Variants in SPAG17 observed in about 807,000 individuals in gnomAD.
SPAG17 encodes the protein sperm-associated antigen 17.
Under a neutral mutation model 273.6 loss-of-function variants are expected in SPAG17, and 169 were observed. The ratio of observed to expected loss-of-function variants is 0.62; its 90% CI spans 0.55 to 0.70. The LOEUF (loss-of-function observed/expected upper bound fraction) is 0.70. Among genes scored for constraint, SPAG17 ranks in the 30% least tolerant of loss-of-function variants. The pLI, the probability that SPAG17 is intolerant of heterozygous loss-of-function variation, is 0.00. For synonymous variants in SPAG17, 825 were observed against 873.2 expected (o/e 0.94, Z 0.97); for missense variants, 2,557 against 2,627.8 (o/e 0.97, Z 0.59).
chr1:117,963,715 A>C, intron 48 of SPAG17, 84 bp downstream of exon 48: 15 of 1,314,276 alleles, frequency 1.1e-5, no homozygotes, highest in Non-Finnish European at 1.5e-5. Flanking sequence ...GTTTCTGACT[A>C]TAAGAAGAGG....
chr1:118,042,103 C>G, intron 20 of SPAG17, 61 bp from the exon 21 acceptor site: 12 of 1,555,548 alleles, frequency 7.7e-6, no homozygotes, highest in African/African-American at 1.4e-5. Flanking sequence ...AGGTTCCATT[C>G]AGGTTCATTT....
Position 117,960,169 on chromosome 1 carries a change from T to C in SPAG17, c.*3630A>G, listed in dbSNP as rs546322237. The C allele has an allele frequency of 2.6e-5, 4 of 150,998 alleles. No individual in the cohort carries two copies. The East Asian group carries it at 8.0e-4, about 30-fold the overall frequency. The allele number at this position is 150,998 out of a possible 1,614,324, so 9.4% of individuals were successfully genotyped here. On this transcript the variant is annotated intron_variant, in intron 48 of 48. Coordinates refer to ENST00000336338, the MANE Select transcript of SPAG17 (RefSeq NM_206996.4). ...GTGTATGTGTATGTGTATGTACACA[T>C]ACATATATATAGTTGACACTTGAAA... is the stretch of plus-strand genomic sequence containing the variant.
intron 48 of SPAG17, chr1:117,959,003 G>T: frequency 1.2e-6 from 2 of 1,613,436 alleles, no homozygotes; most frequent in Non-Finnish European, 1.7e-6. Context: ...GCCAAGTCCG[G>T]GTAAGTGTCT....
chr1:118,122,322 A>G (rs1160352043), intron 3 of SPAG17, among the ~76,000 whole-genome samples: 1 of 152,224 alleles, frequency 6.6e-6, no homozygotes, highest in African/African-American at 2.4e-5. Flanking sequence ...TAAGATTCCA[A>G]TGGGGAACTT....
At chr1:117,994,255 A>G (rs1343052288) in intron 35 of SPAG17, 151 bp downstream of exon 35, 1 of 738,230 alleles carries the variant, frequency 1.4e-6, no homozygotes, top group Non-Finnish European at 2.0e-6. Flanking sequence ...CAAATGTTAG[A>G]ATCTTCAAAT....
At chr1:118,054,144 T>G in intron 19 of SPAG17, 51 bp from the exon 20 acceptor site, 2 of 1,213,868 alleles carry the variant, frequency 1.6e-6, no homozygotes, top group Non-Finnish European at 2.4e-6. Context: ...TAAGATATCA[T>G]AGAAGGCCCA....
chr1:118,110,043 C>A (rs1198610790), intron 4 of SPAG17, among the ~76,000 whole-genome samples: 4 of 152,106 alleles, frequency 2.6e-5, no homozygotes, highest in Admixed American at 2.6e-4. Context: ...TCACTTTGAA[C>A]ATACAAGGTT....
chr1:118,137,136 C>A (rs1342097215), intron 3 of SPAG17, among the ~76,000 whole-genome samples: 1 of 152,124 alleles, frequency 6.6e-6, no homozygotes, highest in Non-Finnish European at 1.5e-5. Flanking sequence ...AAGAGTAGCT[C>A]TTCACAAAAG....
chr1:118,068,527 C>T (rs1653217963), intron 17 of SPAG17, among the ~76,000 whole-genome samples: 1 of 151,992 alleles, frequency 6.6e-6, no homozygotes, highest in Non-Finnish European at 1.5e-5. Flanking sequence ...TTTGGGGGTG[C>T]TAAAAATACA....
Position 117,990,888 on chromosome 1 carries a change from C to T in SPAG17, c.5494G>A (p.Glu1832Lys), listed in dbSNP as rs746019232. ...TCAGTAACATGACTTTTTGTAGTTT[C>T]CTCCATTTTAGGGAAAGACTGAAAT... Reference protein sequence around the residue: ...KLVMSFPKMEETTKSHVTEVA... With the variant: ...KLVMSFPKMEKTTKSHVTEVA... The change falls in exon 38 of 49, where the codon GAA becomes AAA. Residue 1832 changes from glutamate (E) to lysine (K), a missense_variant. Glu to Lys is a moderately conservative substitution (Grantham distance 56). Transcript: ENST00000336338. 2 of 1,569,982 alleles carry T rather than the reference C, an allele frequency of 1.3e-6. No homozygotes were observed. Among genetic ancestry groups the T allele is most frequent in the Non-Finnish European group, 1.7e-6 (2 of 1,151,164 alleles).
chr1:118,078,818 T>C (rs548250465), intron 15 of SPAG17, among the ~76,000 whole-genome samples: 221 of 152,190 alleles, frequency 1.5e-3, no homozygotes, highest in African/African-American at 5.0e-3. Flanking sequence ...TTCTGCTCTA[T>C]TGAGATTATA....
At chr1:118,075,539 G>T (rs888316666) in intron 15 of SPAG17, among the ~76,000 whole-genome samples, 1 of 152,222 alleles carries the variant, frequency 6.6e-6, no homozygotes, top group African/African-American at 2.4e-5. Context: ...AATGGATAAT[G>T]TATATAGCAT....
intron 34 of SPAG17, among the ~76,000 whole-genome samples, chr1:117,994,974 G>A (rs1250327471): frequency 6.6e-6 from 1 of 152,066 alleles, no homozygotes; most frequent in Non-Finnish European, 1.5e-5. Context: ...AGTCCATGAT[G>A]AAAACTCTTT....
intron 43 of SPAG17, among the ~76,000 whole-genome samples, chr1:117,974,171 G>T (rs2101535319): frequency 6.6e-6 from 1 of 152,068 alleles, no homozygotes; most frequent in South Asian, 2.1e-4. Context: ...CTTTTTCTGT[G>T]GGTGTATATC....
chr1:117,953,963 T>C lies in SPAG17; in HGVS notation c.*87A>G, dbSNP rs186958350. On this transcript the variant is annotated 3_prime_UTR_variant, in exon 49 of 49. Transcript: ENST00000336338. ...TTCCAGTTTCAGTGTCCTGGGATGA[T>C]GGAGTATGTTGTGATGACTTCTTTC... 9.2e-4 allele frequency: 1,383 copies of C among 1,507,292 alleles called. 5 individuals are homozygous for C. The highest frequency in any genetic ancestry group is 1.0e-3 in the Non-Finnish European group (1,153 of 1,099,688). 93.4% of individuals were successfully genotyped at this position (1,507,292 alleles called of 1,614,324 possible).
At chr1:118,039,505 C>T (rs1347812987) in intron 22 of SPAG17, 61 bp from the exon 23 acceptor site, 7 of 1,533,162 alleles carry the variant, frequency 4.6e-6, no homozygotes, top group Non-Finnish European at 6.3e-6. Context: ...AGCTCCTCGA[C>T]AAGATGGTTA....
chr1:118,009,572 C>A (rs1281385282), intron 30 of SPAG17, among the ~76,000 whole-genome samples: 2 of 152,114 alleles, frequency 1.3e-5, no homozygotes, highest in Non-Finnish European at 2.9e-5. Context: ...GACTGAAGAC[C>A]TATCTGAGGT....
chr1:118,025,492 T>C, intron 26 of SPAG17, 76 bp from the exon 27 acceptor site: 4 of 1,118,714 alleles, frequency 3.6e-6, no homozygotes, highest in Non-Finnish European at 4.9e-6. Context: ...CTTAATTATT[T>C]TCTTTTTCTT....
At chr1:118,049,507 C>A (rs146163073) in intron 20 of SPAG17, among the ~76,000 whole-genome samples, 19 of 152,148 alleles carry the variant, frequency 1.2e-4, no homozygotes, top group African/African-American at 3.1e-4. Context: ...AAAAAACATA[C>A]GACAAACTCA....
Sources: gnomAD v4.1 joint callset for allele counts (sites outside exome capture counted in the v4.1 genomes callset) on GRCh38, gnomAD v4.1.1 for gene constraint, MANE v1.5 for transcripts, NCBI Gene and HGNC (gene_info 2026-07-23, HGNC 2026-07-21) for gene names.